Variants in PRDM2 observed in about 807,000 individuals in gnomAD.
PRDM2 encodes PR domain zinc finger protein 2.
Under a neutral mutation model 130.0 loss-of-function variants are expected in PRDM2, and 30 were observed. That is an observed-to-expected ratio of 0.23 (90% CI 0.17 to 0.31). PRDM2 has a LOEUF of 0.31. PRDM2 is among the 10% of genes least tolerant of loss of function. The probability of loss-of-function intolerance (pLI) is 1.00; values close to 1 mark genes in which losing one functional copy is unlikely to be tolerated. For synonymous variants in PRDM2, 871 were observed against 782.4 expected (o/e 1.11, Z -1.89); for missense variants, 2,011 against 2,108.4 (o/e 0.95, Z 0.90).
At chr1:13,761,663 T>C (rs1644101380) in intron 6 of PRDM2, among the ~76,000 whole-genome samples, 1 of 152,074 alleles carries the variant, frequency 6.6e-6, no homozygotes, top group Non-Finnish European at 1.5e-5. Context: ...GGGCCTTAGG[T>C]GTTACTTGAT....
chr1:13,807,215 A>C, intron 8 of PRDM2, among the ~76,000 whole-genome samples: 1 of 152,212 alleles, frequency 6.6e-6, no homozygotes, highest in South Asian at 2.1e-4. Context: ...ACTAAGTGAC[A>C]TGTAAAACTA....
intron 6 of PRDM2, among the ~76,000 whole-genome samples, chr1:13,752,187 C>T (rs1247062560): frequency 1.3e-5 from 2 of 152,186 alleles, no homozygotes; most frequent in African/African-American, 4.8e-5. Flanking sequence ...GGCAATGACT[C>T]ACACAAATGT....
chr1:13,778,823 T>C lies in PRDM2; in HGVS notation c.1028T>C (p.Ile343Thr). The change falls in exon 8 of 10, where the codon ATC (isoleucine) becomes ACC (threonine). Residue 343 changes from isoleucine to threonine, a missense_variant. By Grantham distance (89) the Ile-to-Thr change is moderately conservative (BLOSUM62 -1). Around this residue, in one of 5 missense-constraint regions of PRDM2, gnomAD observed 1,288 missense variants for 1,237.7 expected, o/e 1.04. Coordinates refer to ENST00000311066, the MANE Select transcript of PRDM2 (RefSeq NM_001393986.1). ...TCAGAGGTAACACCTGCCATGCAAA[T>C]CCCCAGAACTAAAGAAGAGGCCAAT... ...DCSEVTPAMQ[I>T]PRTKEEANGD... The C allele has an allele frequency of 6.2e-7, 1 of 1,614,062 alleles. No individual in the cohort carries two copies. The highest frequency in any genetic ancestry group is 8.5e-7 in the Non-Finnish European group (1 of 1,180,020).
intron 3 of PRDM2, 69 bp from the exon 4 acceptor site, chr1:13,732,710 G>A (rs559186018): frequency 8.8e-7 from 1 of 1,134,142 alleles, no homozygotes; most frequent in East Asian, 2.5e-5. Flanking sequence ...TGAAACTTAA[G>A]CGATTTTAAT....
rs532046273 is a variant in PRDM2 at position 13,767,043 on chromosome 1, CTCATA to C, written c.512-6032_512-6028del. Among the ~76,000 whole-genome samples the C allele has an allele frequency of 1.2e-4, 18 of 152,296 alleles. No individual in the cohort carries two copies. In the South Asian group the frequency reaches 3.5e-3, roughly 30 times the overall value. On this transcript the variant is annotated intron_variant, in intron 6 of 9. Coordinates refer to ENST00000311066, the MANE Select transcript of PRDM2 (RefSeq NM_001393986.1). ...GCTTTAGGCAATTTTAATTTTGTAA[CTCATA>C]TCCCAGGCATCAGTGGTATAATGCT...
At chr1:13,710,822 C>G (rs986778210) in intron 1 of PRDM2, among the ~76,000 whole-genome samples, 1 of 152,170 alleles carries the variant, frequency 6.6e-6, no homozygotes. Flanking sequence ...CGCGGTGGCT[C>G]ACACCTGTAA....
At position 13,780,819 on chromosome 1, in the gene PRDM2, C is replaced by T. The variant is rs781222060; in HGVS notation, c.3024C>T (p.Pro1008=). 19 of 1,603,044 alleles carry T rather than the reference C, an allele frequency of 1.2e-5. No individual in the cohort carries two copies. The highest frequency in any genetic ancestry group is 1.5e-5 in the Non-Finnish European group (18 of 1,172,648). ...PSSSASPHPC[P]SPLSNATAQS... Reference sequence around the variant, plus strand: ...CCAGTGCATCTCCACACCCATGCCCCTCTCCACTCTCAAATGCCACCGCAC... The same window carrying T: ...CCAGTGCATCTCCACACCCATGCCCTTCTCCACTCTCAAATGCCACCGCAC... The change falls in exon 8 of 10, where the codon CCC becomes CCT. Residue 1008 remains proline (P), a synonymous_variant. Coordinates refer to ENST00000311066, the MANE Select transcript of PRDM2 (RefSeq NM_001393986.1).
Position 13,732,747 on chromosome 1 carries a change from T to C in PRDM2, c.128-32T>C, listed in dbSNP as rs752597582. 1.2e-5 allele frequency: 17 copies of C among 1,427,664 alleles called. No individual in the cohort carries two copies. The East Asian group carries it at 3.5e-4, about 29-fold the overall frequency. 88.4% of individuals were successfully genotyped at this position (1,427,664 alleles called of 1,614,324 possible). A position where few individuals can be genotyped will look rare whatever the true frequency, so the allele number is the denominator to read the frequency against. ...GTTTCAATCTTTAAAATAACCATGA[T>C]ACATTATAAAAATACTGATTTTATT... is the stretch of plus-strand genomic sequence containing the variant. On this transcript the variant is annotated intron_variant, in intron 3 of 9. Transcript: ENST00000311066.
chr1:13,776,293 G>A (rs1569984149), intron 7 of PRDM2, among the ~76,000 whole-genome samples: 1 of 152,134 alleles, frequency 6.6e-6, no homozygotes, highest in Non-Finnish European at 1.5e-5. Context: ...GAACAGCCAG[G>A]TAATGTAGCC....
chr1:13,756,545 T>C (rs1035438132), intron 6 of PRDM2, among the ~76,000 whole-genome samples: 2 of 152,178 alleles, frequency 1.3e-5, no homozygotes, highest in Non-Finnish European at 2.9e-5. Flanking sequence ...CTGAATGACA[T>C]GGAGAAACAA....
At position 13,780,346 on chromosome 1, in the gene PRDM2, A is replaced by G. The variant is rs374569765; in HGVS notation, c.2551A>G (p.Ser851Gly). 1 of 1,614,046 alleles carries G rather than the reference A, an allele frequency of 6.2e-7. No homozygotes were observed. The highest frequency in any genetic ancestry group is 8.5e-7 in the Non-Finnish European group (1 of 1,180,006). ...PVQWESVLDLSVHKKHCSDSE... is the reference protein window; with the variant it reads ...PVQWESVLDLGVHKKHCSDSE... ...CCAGTGGGAATCTGTCTTAGATCTCAGTGTGCATAAAAAGCATTGTAGTGA... is the reference window on the plus strand; with the variant it reads ...CCAGTGGGAATCTGTCTTAGATCTCGGTGTGCATAAAAAGCATTGTAGTGA... The change falls in exon 8 of 10, where the codon AGT becomes GGT. Residue 851 changes from serine to glycine, a missense_variant. Transcript: ENST00000311066.
Position 13,780,594 on chromosome 1 carries a change from C to T in PRDM2, c.2799C>T (p.Phe933=), listed in dbSNP as rs1557650532. The change falls in exon 8 of 10, where the codon TTC becomes TTT. Residue 933 remains phenylalanine, a synonymous_variant. Coordinates refer to ENST00000311066, the MANE Select transcript of PRDM2 (RefSeq NM_001393986.1). ...PDPDLGPGSG[F]PAPTVESTPD... ...CTGACCTCGGTCCGGGCTCTGGTTT[C>T]CCTGCCCCTACTGTTGAGTCCACAC... 1 of 1,614,072 alleles carries T rather than the reference C, an allele frequency of 6.2e-7. No homozygotes were observed. The highest frequency in any genetic ancestry group is 2.2e-5 in the East Asian group (1 of 44,866).
chr1:13,717,636 A>C lies in PRDM2; in HGVS notation c.9+2022A>C, dbSNP rs952854504. Among the ~76,000 whole-genome samples the C allele has an allele frequency of 4.6e-5, 7 of 152,116 alleles. 2 individuals are homozygous for C. In the South Asian group the frequency reaches 1.2e-3, roughly 27 times the overall value. On this transcript the variant is annotated intron_variant, in intron 2 of 9. Coordinates refer to ENST00000311066, the MANE Select transcript of PRDM2 (RefSeq NM_001393986.1). Reference sequence around the variant, plus strand: ...TTTCCATTATATCAAACTTGTGTTTAAAAAAGTCTGCTTGCCAGTCAAAAA... The same window carrying C: ...TTTCCATTATATCAAACTTGTGTTTCAAAAAGTCTGCTTGCCAGTCAAAAA...
chr1:13,707,820 T>C (rs1642253854), intron 1 of PRDM2, among the ~76,000 whole-genome samples: 1 of 149,450 alleles, frequency 6.7e-6, no homozygotes, highest in East Asian at 1.9e-4. Context: ...TGACAATAAT[T>C]CTTTTTTTTT....
intron 5 of PRDM2, among the ~76,000 whole-genome samples, chr1:13,747,831 G>A (rs990901610): frequency 2.0e-5 from 3 of 150,272 alleles, no homozygotes; most frequent in African/African-American, 7.3e-5. Context: ...GATAACCATT[G>A]TGCAATGATC....
At chr1:13,791,016 G>A (rs1644830223) in intron 8 of PRDM2, among the ~76,000 whole-genome samples, 1 of 152,158 alleles carries the variant, frequency 6.6e-6, no homozygotes, top group Non-Finnish European at 1.5e-5. Context: ...ACAGATTTGG[G>A]GAAAGTGATT....
At chr1:13,710,759 C>T (rs1435287128) in intron 1 of PRDM2, among the ~76,000 whole-genome samples, 1 of 152,140 alleles carries the variant, frequency 6.6e-6, no homozygotes, top group East Asian at 1.9e-4. Context: ...CTGCTGTTAG[C>T]AAAGCAGAGG....
At chr1:13,754,153 C>A (rs1276613377) in intron 6 of PRDM2, among the ~76,000 whole-genome samples, 1 of 152,090 alleles carries the variant, frequency 6.6e-6, no homozygotes, top group African/African-American at 2.4e-5. Flanking sequence ...GGACCTAGTT[C>A]TATTAGCAGT....
At chr1:13,801,947 C>G (rs1570090053) in intron 8 of PRDM2, among the ~76,000 whole-genome samples, 1 of 152,170 alleles carries the variant, frequency 6.6e-6, no homozygotes, top group Non-Finnish European at 1.5e-5. Context: ...CTGAGCAGCC[C>G]AGGGTGGGGC....
Sources: gnomAD v4.1 joint callset for allele counts (sites outside exome capture counted in the v4.1 genomes callset) on GRCh38, gnomAD v4.1.1 for gene constraint, gnomAD v4.1.1 regional missense constraint, MANE v1.5 for transcripts, NCBI Gene and HGNC (gene_info 2026-07-23, HGNC 2026-07-21) for gene names.